BICRA: variants seen among roughly 807,000 people sequenced by gnomAD.
BICRA encodes the protein BRD4 interacting chromatin remodeling complex associated protein, also known as BRD4-interacting chromatin-remodeling complex-associated protein.
Under a neutral mutation model 96.9 loss-of-function variants are expected in BICRA, and 31 were observed. That is an observed-to-expected ratio of 0.32 (90% confidence interval 0.24 to 0.43). The LOEUF is 0.43. Among genes scored for constraint, BICRA ranks in the 20% least tolerant of loss-of-function variants. The pLI is 1.00. For synonymous variants in BICRA, 1,350 were observed against 1,071.8 expected (o/e 1.26, Z -5.07); for missense variants, 2,283 against 2,190.3 (o/e 1.04, Z -0.84).
At chr19:47,634,644 T>C (rs981897153) in intron 1 of BICRA, among the ~76,000 whole-genome samples, 1 of 151,616 alleles carries the variant, frequency 6.6e-6, no homozygotes, top group African/African-American at 2.4e-5. Context: ...AGCCTGCTTC[T>C]CTCCATCTCA....
rs1233262678 is a variant in BICRA, at chr19:47,702,139, G to T, written c.4407G>T (p.Leu1469=). 6.5e-7 allele frequency: 1 copy of T among 1,545,478 alleles called. No homozygotes were observed. The highest frequency in any genetic ancestry group is 8.7e-7 in the Non-Finnish European group (1 of 1,153,806). ...TGDPDWEAPG[L]PPAKRRKSES... Reference sequence around the variant, plus strand: ...ACCCCGACTGGGAGGCGCCCGGGCTGCCCCCTGCCAAGCGGCGCAAGTCCG... The same window carrying T: ...ACCCCGACTGGGAGGCGCCCGGGCTTCCCCCTGCCAAGCGGCGCAAGTCCG... The change falls in exon 15 of 15, where the codon CTG becomes CTT. Residue 1469 remains leucine (L), a synonymous_variant. Coordinates refer to ENST00000594866, the MANE Select transcript of BICRA (RefSeq NM_001394372.1).
intron 1 of BICRA, among the ~76,000 whole-genome samples, chr19:47,655,097 A>C (rs2123553766): frequency 6.6e-6 from 1 of 152,328 alleles, no homozygotes; most frequent in Admixed American, 6.5e-5. Flanking sequence ...CACCTGGTGC[A>C]CACATCTCCA....
intron 7 of BICRA, among the ~76,000 whole-genome samples, chr19:47,689,457 C>A (rs1441673623): frequency 6.6e-6 from 1 of 152,056 alleles, no homozygotes; most frequent in African/African-American, 2.4e-5. Context: ...GTCGCCCAGG[C>A]TGGAGTGCAG....
At chr19:47,665,386 C>G (rs1244813130) in intron 1 of BICRA, among the ~76,000 whole-genome samples, 1 of 152,218 alleles carries the variant, frequency 6.6e-6, no homozygotes, top group Non-Finnish European at 1.5e-5. Flanking sequence ...GCAAAAGTTC[C>G]TGTCCTGGGG....
At chr19:47,651,119 C>A (rs1290829215) in intron 1 of BICRA, among the ~76,000 whole-genome samples, 1 of 152,122 alleles carries the variant, frequency 6.6e-6, no homozygotes, top group Non-Finnish European at 1.5e-5. Flanking sequence ...TCTGTGCTTC[C>A]GTCCTCACCT....
intron 1 of BICRA, among the ~76,000 whole-genome samples, chr19:47,619,425 G>C (rs1211758378): frequency 2.6e-5 from 4 of 151,700 alleles, no homozygotes; most frequent in African/African-American, 4.8e-5. Flanking sequence ...CGCCCGGTTA[G>C]TTTTTGTATT....
intron 1 of BICRA, among the ~76,000 whole-genome samples, chr19:47,610,118 G>A (rs1487689328): frequency 6.6e-6 from 1 of 152,222 alleles, no homozygotes; most frequent in Non-Finnish European, 1.5e-5. Context: ...TCCCCGGGGT[G>A]AGCCCGGACG....
At chr19:47,638,578 G>C (rs2974209) in intron 1 of BICRA, among the ~76,000 whole-genome samples, 110,834 of 151,908 alleles carry the variant, frequency 0.73, 40,887 homozygotes, top group African/African-American at 0.83. Context: ...AAGCATCTCT[G>C]TCACTCGCTC....
chr19:47,631,832 A>G (rs1972226067), intron 1 of BICRA, among the ~76,000 whole-genome samples: 1 of 152,038 alleles, frequency 6.6e-6, no homozygotes. Context: ...TATGCTTAGT[A>G]GAGACGGGGT....
chr19:47,630,976 T>G (rs1290757781), intron 1 of BICRA, among the ~76,000 whole-genome samples: 1 of 152,178 alleles, frequency 6.6e-6, no homozygotes, highest in Non-Finnish European at 1.5e-5. Context: ...TCACAGCACA[T>G]CTCAGTTGGG....
rs1309956525 is a variant in BICRA at position 47,701,139 on chromosome 19, G to C, written c.3596-189G>C. 5 of 598,810 alleles carry C rather than the reference G, an allele frequency of 8.3e-6. No individual in the cohort carries two copies. In the African/African-American group the frequency reaches 9.3e-5, roughly 11 times the overall value. The allele number at this position is 598,810 out of a possible 1,614,324, so 37.1% of individuals were successfully genotyped here. The stretch of plus-strand genomic sequence containing the variant: ...CTCGTGGCGCTGTGCCAGGCACAGT[G>C]GTTTTAGAGTTGGGGGAATTTGGGC... On this transcript the variant is annotated intron_variant, in intron 14 of 14. Coordinates refer to ENST00000594866, the MANE Select transcript of BICRA (RefSeq NM_001394372.1). The surrounding 1 kb of genome is among the most constrained non-coding windows in gnomAD (Gnocchi z 5.4).
At chr19:47,674,672 T>C (rs1972915339) in intron 4 of BICRA, among the ~76,000 whole-genome samples, 1 of 152,180 alleles carries the variant, frequency 6.6e-6, no homozygotes, top group African/African-American at 2.4e-5. Context: ...GGCTGGCAGA[T>C]GTGCTTCCAC....
chr19:47,634,811 G>A (rs1972275101), intron 1 of BICRA, among the ~76,000 whole-genome samples: 1 of 139,232 alleles, frequency 7.2e-6, no homozygotes, highest in Admixed American at 7.7e-5. Context: ...CACCCAGGCT[G>A]GAGTGCAGTG....
Position 47,615,447 on chromosome 19 carries a change from G to T in BICRA, c.-108+6279G>T, listed in dbSNP as rs73943806. On this transcript the variant is annotated intron_variant, in intron 1 of 14. Transcript: ENST00000594866. ...TCCTCCTGCTTATGGCCTGCGTCAT[G>T]TGCTTGCCACCTGGTGTGGAGGTCA... is the stretch of plus-strand genomic sequence containing the variant. Among the ~76,000 whole-genome samples the T allele has an allele frequency of 7.0e-3, 1,073 of 152,298 alleles. 21 individuals carry two copies. Among genetic ancestry groups the T allele is most frequent in the African/African-American group, 0.024 (1,000 of 41,574 alleles).
chr19:47,621,998 A>T (rs1357720677), intron 1 of BICRA, among the ~76,000 whole-genome samples: 1 of 140,538 alleles, frequency 7.1e-6, no homozygotes, highest in Admixed American at 7.1e-5. Flanking sequence ...ATGAAGTCTC[A>T]CTCTGTTGCC....
Position 47,675,903 on chromosome 19 carries a change from A to C in BICRA, c.137A>C (p.Tyr46Ser). The stretch of plus-strand genomic sequence containing the variant: ...CCCGGGGAGGCCCAAAGTGCCTTCT[A>C]TGAAGGTCCTGGGGTAAGTGCCGTG... ...DNPGEAQSAF[Y>S]EGPGLHVQEA... The change falls in exon 5 of 15, where the codon TAT becomes TCT. Residue 46 changes from tyrosine to serine, a missense_variant. Tyr to Ser is a moderately radical substitution (Grantham distance 144, BLOSUM62 -2). Transcript: ENST00000594866. The surrounding 1 kb of genome is among the most constrained non-coding windows in gnomAD (Gnocchi z 4.7). The C allele has an allele frequency of 6.2e-7, 1 of 1,607,308 alleles. No individual in the cohort carries two copies. The highest frequency in any genetic ancestry group is 8.5e-7 in the Non-Finnish European group (1 of 1,176,530).
At chr19:47,647,843 G>C (rs528800136) in intron 1 of BICRA, among the ~76,000 whole-genome samples, 1 of 152,038 alleles carries the variant, frequency 6.6e-6, no homozygotes, top group East Asian at 1.9e-4. Flanking sequence ...GTCCACGATG[G>C]GGGGTGTCCT....
chr19:47,653,608 G>A (rs1395935614), intron 1 of BICRA, among the ~76,000 whole-genome samples: 1 of 152,154 alleles, frequency 6.6e-6, no homozygotes, highest in African/African-American at 2.4e-5. Context: ...TGGAATCATG[G>A]AATATATGGC....
chr19:47,665,035 G>GC lies in BICRA; in HGVS notation c.-107-5401dup, dbSNP rs919381731. Among the ~76,000 whole-genome samples the GC allele has an allele frequency of 1.7e-4, 15 of 87,934 alleles. No individual in the cohort carries two copies. In the South Asian group the frequency reaches 3.4e-3, roughly 20 times the overall value. The allele number at this position is 87,934 out of a possible 152,430, so 57.7% of individuals were successfully genotyped here. A position where few individuals can be genotyped will look rare whatever the true frequency, so the allele number is the denominator to read the frequency against. On this transcript the variant is annotated intron_variant, in intron 1 of 14. Coordinates refer to ENST00000594866, the MANE Select transcript of BICRA (RefSeq NM_001394372.1). The stretch of plus-strand genomic sequence containing the variant: ...ACTAGTTTTCAACCCCCACCCCCCC[G>GC]CCCCCCCACTCTGCAACCTCAGTCA...
Sources: gnomAD v4.1 joint callset for allele counts (sites outside exome capture counted in the v4.1 genomes callset) on GRCh38, gnomAD v4.1.1 for gene constraint, Gnocchi (gnomAD v3.1) non-coding constraint, MANE v1.5 for transcripts, NCBI Gene and HGNC (gene_info 2026-07-23, HGNC 2026-07-21) for gene names.